Variants in MCM3 observed in about 807,000 individuals in gnomAD.
The protein encoded by MCM3 is minichromosome maintenance complex component 3.
A neutral mutation model predicts 91.3 loss-of-function variants in MCM3; 59 were observed. The observed-to-expected ratio is 0.65, with a 90% CI of 0.52 to 0.80. The LOEUF is 0.80. Ranked by LOEUF, MCM3 falls within the 30% of genes least tolerant of loss-of-function variation. The pLI is 0.00. For synonymous variants in MCM3, 383 were observed against 379.6 expected (o/e 1.01, Z -0.10); for missense variants, 919 against 1,035.4 (o/e 0.89, Z 1.54).
In MCM3 at chr6:52,284,470, A is replaced by G; in HGVS notation, c.78+127T>C. The G allele has an allele frequency of 3.5e-5, 27 of 764,138 alleles. 1 individual carries two copies. The South Asian group carries it at 4.2e-4, about 12-fold the overall frequency. The allele number at this position is 764,138 out of a possible 1,614,324, so 47.3% of individuals were successfully genotyped here. On this transcript the variant is annotated intron_variant, in intron 1 of 16. Coordinates refer to ENST00000596288, the MANE Select transcript of MCM3 (RefSeq NM_002388.6). ...TGAGAAGTTACAAGATTGGGGCTGG[A>G]GGCTCGGGCCCGGCAGGCTCCGCTG...
At chr6:52,279,653 C>A in intron 4 of MCM3, 54 bp from the exon 5 acceptor site, 1 of 1,292,446 alleles carries the variant, frequency 7.7e-7, no homozygotes, top group Non-Finnish European at 1.1e-6. Flanking sequence ...CTTAAAAATG[C>A]CACACTCACC....
chr6:52,265,234 C>A, intron 16 of MCM3: 1 of 404,584 alleles, frequency 2.5e-6, no homozygotes. Context: ...CCCATCCATA[C>A]CATGGAAACC....
chr6:52,280,027 C>T (rs1765942612), intron 4 of MCM3, among the ~76,000 whole-genome samples: 1 of 152,152 alleles, frequency 6.6e-6, no homozygotes, highest in South Asian at 2.1e-4. Context: ...GGTATATTCA[C>T]ATAAATGAAT....
chr6:52,264,931 G>C, intron 16 of MCM3, 145 bp from the exon 17 acceptor site: 2 of 691,132 alleles, frequency 2.9e-6, no homozygotes, highest in Non-Finnish European at 5.0e-6. Context: ...GCCTCTGATG[G>C]CAGTGCTACC....
In MCM3 at chr6:52,270,282, T is replaced by A. The variant is rs1765001532; in HGVS notation, c.1828-1056A>T. On this transcript the variant is annotated intron_variant, in intron 12 of 16. Coordinates refer to ENST00000596288, the MANE Select transcript of MCM3 (RefSeq NM_002388.6). ...AGGCAGAGGTTGCAGTGAGCCAAGA[T>A]CATGCCACTGCACTCCAGCCTGGGC... Among the ~76,000 whole-genome samples the A allele has an allele frequency of 1.4e-5, 2 of 140,508 alleles. 1 individual carries two copies. The highest frequency in any genetic ancestry group is 4.5e-4 in the South Asian group (2 of 4,480). The allele number at this position is 140,508 out of a possible 152,430, so 92.2% of individuals were successfully genotyped here.
intron 9 of MCM3, among the ~76,000 whole-genome samples, chr6:52,274,922 A>ATTTAT (rs1052481808): frequency 8.5e-5 from 13 of 152,050 alleles, no homozygotes; most frequent in African/African-American, 2.9e-4. Context: ...ATACATTATC[A>ATTTAT]TTTATTTTAT....
At chr6:52,277,035 T>G in intron 8 of MCM3, 32 bp downstream of exon 8, 1 of 1,601,958 alleles carries the variant, frequency 6.2e-7, no homozygotes, top group Non-Finnish European at 8.5e-7. Context: ...GGCTCTCTGC[T>G]GGGCCTTTGC....
Position 52,283,235 on chromosome 6 carries a change from T to C in MCM3, c.191+59A>G. Reference sequence around the variant, plus strand: ...CCTCTCCTGAGAGGCTGTTCCAATCTGGCCAAGAGGGAAGGGAGCCATTCT... The same window carrying C: ...CCTCTCCTGAGAGGCTGTTCCAATCCGGCCAAGAGGGAAGGGAGCCATTCT... On this transcript the variant is annotated intron_variant, in intron 2 of 16. Transcript: ENST00000596288. 3 of 1,404,586 alleles carry C rather than the reference T, an allele frequency of 2.1e-6. No individual in the cohort carries two copies. In the South Asian group the frequency reaches 3.5e-5, roughly 16 times the overall value. 87.0% of individuals were successfully genotyped at this position (1,404,586 alleles called of 1,614,324 possible).
intron 11 of MCM3, 90 bp downstream of exon 11, chr6:52,273,138 CAT>C: frequency 1.4e-6 from 2 of 1,475,094 alleles, no homozygotes; most frequent in Non-Finnish European, 1.9e-6. Flanking sequence ...TTGACCTGGG[CAT>C]ATAAGGCCTT....
intron 4 of MCM3, among the ~76,000 whole-genome samples, chr6:52,280,330 T>C (rs1164019321): frequency 6.6e-6 from 1 of 152,248 alleles, no homozygotes; most frequent in Non-Finnish European, 1.5e-5. Context: ...TATTAAAGTT[T>C]TACTTCCTTC....
chr6:52,270,634 A>T (rs17240126), intron 12 of MCM3, among the ~76,000 whole-genome samples: 2,375 of 152,294 alleles, frequency 0.016, 56 homozygotes, highest in African/African-American at 0.055. Flanking sequence ...GACCTAGAGA[A>T]TCCAAATTCT....
intron 8 of MCM3, 72 bp from the exon 9 acceptor site, chr6:52,276,548 T>G: frequency 7.8e-7 from 1 of 1,275,106 alleles, no homozygotes; most frequent in East Asian, 2.4e-5. Flanking sequence ...GATTTCAATC[T>G]CCTTCCTAGG....
chr6:52,282,606 T>C, intron 3 of MCM3, 47 bp downstream of exon 3: 1 of 1,576,922 alleles, frequency 6.3e-7, no homozygotes, highest in Admixed American at 1.7e-5. Flanking sequence ...GCTTTCCCCA[T>C]CTCCCTGTCT....
rs1415368716 is a variant in MCM3 at position 52,264,095 on chromosome 6, T to C, written c.*493A>G. On this transcript the variant is annotated 3_prime_UTR_variant, in exon 17 of 17. Transcript: ENST00000596288. ...TGGGTTTGTTTTGTGATACAATACA[T>C]ATTCACCTTAACTGGTGCTACTGCA... is the stretch of plus-strand genomic sequence containing the variant. 5.9e-6 allele frequency: 1 copy of C among 168,676 alleles called. No homozygotes were observed. Among genetic ancestry groups the C allele is most frequent in the Non-Finnish European group, 1.3e-5 (1 of 77,076 alleles). The allele number at this position is 168,676 out of a possible 1,614,324, so 10.4% of individuals were successfully genotyped here.
intron 4 of MCM3, among the ~76,000 whole-genome samples, chr6:52,279,948 C>T (rs1031229332): frequency 1.3e-5 from 2 of 152,184 alleles, no homozygotes; most frequent in Non-Finnish European, 2.9e-5. Flanking sequence ...ATGCTCATAG[C>T]AACATTATGC....
intron 5 of MCM3, 105 bp from the exon 6 acceptor site, chr6:52,278,955 A>C: frequency 1.4e-6 from 1 of 690,030 alleles, no homozygotes; most frequent in Admixed American, 2.9e-5. Flanking sequence ...AAACTAGACC[A>C]GCCAATTAGA....
At position 52,267,473 on chromosome 6, in the gene MCM3, G is replaced by A. The variant is rs140995311; in HGVS notation, c.2072+392C>T. 1.7e-3 allele frequency among the ~76,000 whole-genome samples: 256 copies of A among 150,692 alleles called. 2 individuals are homozygous for A. The highest frequency in any genetic ancestry group is 3.5e-3 in the Middle Eastern group (1 of 288). On this transcript the variant is annotated intron_variant, in intron 14 of 16. Coordinates refer to ENST00000596288, the MANE Select transcript of MCM3 (RefSeq NM_002388.6). The stretch of plus-strand genomic sequence containing the variant: ...GAACAACCTGACATCAATAAGCAGC[G>A]CTGGTTCCACCTTCTACCCTCTACT...
chr6:52,278,912 A>G, intron 5 of MCM3, 62 bp from the exon 6 acceptor site: 2 of 1,217,556 alleles, frequency 1.6e-6, no homozygotes, highest in Non-Finnish European at 2.4e-6. Flanking sequence ...AGTAGCTAGT[A>G]CCCCTAGCAG....
At chr6:52,267,121 CGG>C (rs1764703814) in intron 14 of MCM3, among the ~76,000 whole-genome samples, 1 of 50,432 alleles carries the variant, frequency 2.0e-5, no homozygotes, top group African/African-American at 6.7e-5. Context: ...TTGAGACGGA[CGG>C]AGTCTCACTC....
Sources: gnomAD v4.1 joint callset for allele counts (sites outside exome capture counted in the v4.1 genomes callset) on GRCh38, gnomAD v4.1.1 for gene constraint, MANE v1.5 for transcripts, NCBI Gene and HGNC (gene_info 2026-07-23, HGNC 2026-07-21) for gene names.